Variants in SLC4A11 observed in about 807,000 individuals in gnomAD.
SLC4A11 encodes bicarbonate transporter related protein 1.
SLC4A11 carries 74 observed loss-of-function variants against 95.0 expected under a neutral mutation model. That is an observed-to-expected ratio of 0.78 (90% CI 0.65 to 0.95). SLC4A11 has a LOEUF of 0.95. Among genes scored for constraint, SLC4A11 ranks in the 40% least tolerant of loss-of-function variants. The probability of loss-of-function intolerance (pLI) is 0.00; values close to 1 mark genes in which losing one functional copy is unlikely to be tolerated. For missense variants in SLC4A11, 1,081 were observed against 1,192.4 expected, an observed-to-expected ratio of 0.91 and a Z score of 1.38; for synonymous variants, 548 against 519.0, an observed-to-expected ratio of 1.06 and a Z score of -0.76.
chr20:3,234,843 A>C lies in SLC4A11; in HGVS notation c.140T>G (p.Leu47Arg). 6.2e-7 allele frequency: 1 copy of C among 1,614,062 alleles called. No individual in the cohort carries two copies. The highest frequency in any genetic ancestry group is 8.5e-7 in the Non-Finnish European group (1 of 1,180,028). The change falls in exon 3 of 20, where the codon CTG becomes CGG. Residue 47 changes from leucine (L) to arginine (R), a missense_variant. Leu to Arg is a moderately radical substitution (Grantham distance 102). Transcript: ENST00000642402. The surrounding 1 kb of genome is among the most constrained non-coding windows in gnomAD (Gnocchi z 5.8). Reference protein sequence around the residue: ...DDTFEAREEILGDEAFDTANS... With the variant: ...DDTFEAREEIRGDEAFDTANS... ...GGCAGTGTCGAAGGCCTCATCCCCC[A>C]GGATCTCCTCTCGGGCTTCGAAGGT... is the stretch of plus-strand genomic sequence containing the variant.
Position 3,235,703 on chromosome 20 carries a change from T to C in SLC4A11, c.89-809A>G, listed in dbSNP as rs995940714. Among the ~76,000 whole-genome samples the C allele has an allele frequency of 3.9e-5, 6 of 151,984 alleles. No homozygotes were observed. The East Asian group carries it at 5.8e-4, about 15-fold the overall frequency. On this transcript the variant is annotated intron_variant, in intron 2 of 19. Coordinates refer to ENST00000642402, the MANE Select transcript of SLC4A11 (RefSeq NM_001174089.2). ...GCACACCCCTCTTCCTACAGGAAGA[T>C]TTCCTGGTAACATGCAAATATTCCT... is the stretch of plus-strand genomic sequence containing the variant.
intron 16 of SLC4A11, 34 bp downstream of exon 16, chr20:3,229,061 C>CGG: frequency 3.0e-5 from 15 of 495,066 alleles, no homozygotes; most frequent in Non-Finnish European, 5.0e-5. Flanking sequence ...GAGGCCCGGG[C>CGG]CCCGCCCACC....
rs776714290 is a variant in SLC4A11 at position 3,234,771 on chromosome 20, A to T, written c.212T>A (p.Val71Asp). 6.2e-7 allele frequency: 1 copy of T among 1,613,970 alleles called. No individual in the cohort carries two copies. The highest frequency in any genetic ancestry group is 1.1e-5 in the South Asian group (1 of 91,070). Reference protein sequence around the residue: ...SGESIRFFVNVNLEMQATNTE... With the variant: ...SGESIRFFVNDNLEMQATNTE... ...GTTGGTGGCCTGCATCTCAAGGTTG[A>T]CATTGACAAAAAAACGGATACTCTC... The change falls in exon 3 of 20, where the codon GTC (valine) becomes GAC (aspartate). Residue 71 changes from valine to aspartate, a missense_variant. By Grantham distance (152) the Val-to-Asp change is radical. Transcript: ENST00000642402. The surrounding 1 kb of genome is among the most constrained non-coding windows in gnomAD (Gnocchi z 5.8).
chr20:3,234,409 C>CCCCAGCT lies in SLC4A11; in HGVS notation c.292-96_292-95insAGCTGGG. Reference sequence around the variant, plus strand: ...TCCCAGCCAGCCGCAGCAGTCCAGCCCCCAGCCCCCAGCCCCCAGCCCTGG... The same window carrying CCCCAGCT: ...TCCCAGCCAGCCGCAGCAGTCCAGCCCCCAGCTCCCAGCCCCCAGCCCCCAGCCCTGG... On this transcript the variant is annotated intron_variant, in intron 4 of 19. Transcript: ENST00000642402. The surrounding 1 kb of genome is among the most constrained non-coding windows in gnomAD (Gnocchi z 5.8). 1 of 1,450,556 alleles carries CCCCAGCT rather than the reference C, an allele frequency of 6.9e-7. No homozygotes were observed. Among genetic ancestry groups the CCCCAGCT allele is most frequent in the Non-Finnish European group, 9.6e-7 (1 of 1,044,608 alleles). The allele number at this position is 1,450,556 out of a possible 1,614,324, so 89.9% of individuals were successfully genotyped here. A position where few individuals can be genotyped will look rare whatever the true frequency, so the allele number is the denominator to read the frequency against.
chr20:3,233,831 C>G (rs1464928702), intron 6 of SLC4A11, 90 bp downstream of exon 6: 1 of 1,539,796 alleles, frequency 6.5e-7, no homozygotes, highest in Non-Finnish European at 8.9e-7. Context: ...CCAGGACTCA[C>G]AGGTGGGCTG....
rs182446041 is a variant in SLC4A11 at position 3,237,956 on chromosome 20, G to C, written c.44-368C>G. 2.6e-6 allele frequency: 4 copies of C among 1,550,402 alleles called. No homozygotes were observed. The East Asian group carries it at 7.3e-5, about 28-fold the overall frequency. ...CCCGCTGCAGCGAGAGGAAGGGACCGGGCCCGAGCGGGCCTCTCCCCCTCT... is the reference window on the plus strand; with the variant it reads ...CCCGCTGCAGCGAGAGGAAGGGACCCGGCCCGAGCGGGCCTCTCCCCCTCT... On this transcript the variant is annotated intron_variant, in intron 1 of 19. Transcript: ENST00000642402.
chr20:3,234,950 G>C lies in SLC4A11; in HGVS notation c.89-56C>G. ...CTGTTAAAGTGCCACACACAGGAAG[G>C]AGGGGCTCCAAGCCCAGGGAGCAGG... On this transcript the variant is annotated intron_variant, in intron 2 of 19. Coordinates refer to ENST00000642402, the MANE Select transcript of SLC4A11 (RefSeq NM_001174089.2). The surrounding 1 kb of genome is among the most constrained non-coding windows in gnomAD (Gnocchi z 5.8). The C allele has an allele frequency of 1.9e-6, 3 of 1,610,114 alleles. No homozygotes were observed. Among genetic ancestry groups the C allele is most frequent in the Non-Finnish European group, 2.5e-6 (3 of 1,177,350 alleles).
chr20:3,237,660 C>G lies in SLC4A11; in HGVS notation c.44-72G>C, dbSNP rs764047662. 21 of 1,614,096 alleles carry G rather than the reference C, an allele frequency of 1.3e-5. No homozygotes were observed. In the South Asian group the frequency reaches 2.3e-4, roughly 18 times the overall value. On this transcript the variant is annotated intron_variant, in intron 1 of 19. Coordinates refer to ENST00000642402, the MANE Select transcript of SLC4A11 (RefSeq NM_001174089.2). ...GACCTCCTGTGTGCACCTGTCTCCC[C>G]GCCCCCCGACCTGGCTCATTCCTTC...
At chr20:3,239,266 A>T (rs2068083462), upstream of SLC4A11, 1 of 1,204,096 alleles carries the variant, frequency 8.3e-7, no homozygotes, top group African/African-American at 1.6e-5. Flanking sequence ...CCTGGGTCCT[A>T]ATGCCGCTCA....
rs533980766 is a variant in SLC4A11 at position 3,229,592 on chromosome 20, G to A, written c.1674C>T (p.Ala558=). ...CCAGCATGATGAGGAGGCTGAGCAC[G>A]GCGGTCGCCTGGCCTGAGTGTGTGG... ...PSATHSGQAT[A]VLSLLIMLGT... The change falls in exon 14 of 20, where the codon GCC becomes GCT. Residue 558 remains alanine (A), a synonymous_variant. Transcript: ENST00000642402. The A allele has an allele frequency of 1.2e-5, 19 of 1,612,646 alleles. No individual in the cohort carries two copies. Among genetic ancestry groups the A allele is most frequent in the East Asian group, 8.9e-5 (4 of 44,858 alleles).
At position 3,229,572 on chromosome 20, in the gene SLC4A11, A is replaced by C; in HGVS notation, c.1694T>G (p.Met565Arg). 1 of 1,612,946 alleles carries C rather than the reference A, an allele frequency of 6.2e-7. No individual in the cohort carries two copies. Among genetic ancestry groups the C allele is most frequent in the Non-Finnish European group, 8.5e-7 (1 of 1,179,904 alleles). The stretch of plus-strand genomic sequence containing the variant: ...GTAGCCCAGCCAGAGCGTGCCCAGC[A>C]TGATGAGGAGGCTGAGCACGGCGGT... ...QATAVLSLLIMLGTLWLGYTL... is the reference protein window; with the variant it reads ...QATAVLSLLIRLGTLWLGYTL... The change falls in exon 14 of 20, where the codon ATG becomes AGG. Residue 565 changes from methionine to arginine, a missense_variant. Coordinates refer to ENST00000642402, the MANE Select transcript of SLC4A11 (RefSeq NM_001174089.2).
intron 7 of SLC4A11, among the ~76,000 whole-genome samples, chr20:3,232,095 A>G (rs11087572): frequency 0.25 from 37,583 of 152,260 alleles, 5,148 homozygotes; most frequent in Non-Finnish European, 0.32. Context: ...AACTCAAGAT[A>G]TTACTTTTGT....
rs1427727641 is a variant in SLC4A11 at position 3,230,865 on chromosome 20, A to C, written c.1169-20T>G. 6.2e-7 allele frequency: 1 copy of C among 1,612,558 alleles called. No homozygotes were observed. Among genetic ancestry groups the C allele is most frequent in the Non-Finnish European group, 8.5e-7 (1 of 1,179,728 alleles). ...GCACGTCTGTGGGGGTGCGGAGGTCAGGTGGGCGCCGCAGCCCAGGGCCCA... is the reference window on the plus strand; with the variant it reads ...GCACGTCTGTGGGGGTGCGGAGGTCCGGTGGGCGCCGCAGCCCAGGGCCCA... On this transcript the variant is annotated intron_variant, in intron 10 of 19. Coordinates refer to ENST00000642402, the MANE Select transcript of SLC4A11 (RefSeq NM_001174089.2).
upstream of SLC4A11, chr20:3,239,221 G>T: frequency 7.6e-7 from 1 of 1,315,926 alleles, no homozygotes. Context: ...CGGGCGGGCC[G>T]GCGGCGGGAG....
Position 3,234,396 on chromosome 20 carries a change from G to A in SLC4A11, c.292-82C>T, listed in dbSNP as rs571846998. On this transcript the variant is annotated intron_variant, in intron 4 of 19. Coordinates refer to ENST00000642402, the MANE Select transcript of SLC4A11 (RefSeq NM_001174089.2). The surrounding 1 kb of genome is among the most constrained non-coding windows in gnomAD (Gnocchi z 5.8). ...CCTGGTCCCTCCCTCCCAGCCAGCC[G>A]CAGCAGTCCAGCCCCCAGCCCCCAG... 158 of 1,341,320 alleles carry A rather than the reference G, an allele frequency of 1.2e-4. No individual in the cohort carries two copies. In the African/African-American group the frequency reaches 1.5e-3, roughly 13 times the overall value. The allele number at this position is 1,341,320 out of a possible 1,614,324, so 83.1% of individuals were successfully genotyped here. A position where few individuals can be genotyped will look rare whatever the true frequency, so the allele number is the denominator to read the frequency against.
intron 16 of SLC4A11, 32 bp downstream of exon 16, chr20:3,229,060 GCCC>G: frequency 1.8e-5 from 28 of 1,541,912 alleles, no homozygotes; most frequent in East Asian, 2.4e-5. Context: ...AGAGGCCCGG[GCCC>G]CGCCCACCCC....
rs766264434 is a variant in SLC4A11, at chr20:3,233,497, C to G, written c.729+17G>C. ...GGGGCCCTCCTTCTTCCCCAGGACA[C>G]GGCACTACCCACTCACCATCTTGGG... On this transcript the variant is annotated intron_variant, in intron 7 of 19. Transcript: ENST00000642402. The G allele has an allele frequency of 9.3e-6, 15 of 1,612,958 alleles. No homozygotes were observed. The highest frequency in any genetic ancestry group is 9.3e-6 in the Non-Finnish European group (11 of 1,179,886).
intron 2 of SLC4A11, among the ~76,000 whole-genome samples, chr20:3,236,099 G>A (rs1212512776): frequency 6.6e-6 from 1 of 152,158 alleles, no homozygotes; most frequent in Non-Finnish European, 1.5e-5. Flanking sequence ...CAGCACGCCT[G>A]CACCTGCCAG....
intron 10 of SLC4A11, 29 bp downstream of exon 10, chr20:3,230,904 C>T: frequency 1.2e-6 from 2 of 1,613,380 alleles, no homozygotes; most frequent in Middle Eastern, 1.6e-4. Flanking sequence ...CAGCATACCC[C>T]CACCCACCGC....
Sources: allele counts gnomAD v4.1 joint callset (sites outside exome capture counted in the v4.1 genomes callset), GRCh38; gene constraint gnomAD v4.1.1; non-coding constraint Gnocchi (gnomAD v3.1); transcripts MANE v1.5; gene names NCBI Gene and HGNC (gene_info 2026-07-23, HGNC 2026-07-21).